Variants in PDGFC observed in about 807,000 individuals in gnomAD.
PDGFC encodes the protein platelet derived growth factor C.
PDGFC carries 12 observed loss-of-function variants against 35.5 expected under a neutral mutation model. The observed-to-expected ratio is 0.34, with a 90% CI of 0.22 to 0.55. The LOEUF (loss-of-function observed/expected upper bound fraction) is 0.55. PDGFC is among the 20% of genes least tolerant of loss of function. The probability of loss-of-function intolerance (pLI) is 0.91; values close to 1 mark genes in which losing one functional copy is unlikely to be tolerated. For missense variants in PDGFC, 322 were observed against 412.4 expected (o/e 0.78, Z 1.90); for synonymous variants, 159 against 148.8 (o/e 1.07, Z -0.50).
intron 1 of PDGFC, among the ~76,000 whole-genome samples, chr4:156,966,464 T>C (rs1026599215): frequency 3.9e-5 from 6 of 152,108 alleles, no homozygotes; most frequent in Admixed American, 2.6e-4. Flanking sequence ...TTTTTTACTA[T>C]GAAATTTATG....
chr4:156,796,936 A>T (rs2110900606), intron 3 of PDGFC, among the ~76,000 whole-genome samples: 1 of 152,276 alleles, frequency 6.6e-6, no homozygotes, highest in South Asian at 2.1e-4. Context: ...AAGACAAAGA[A>T]GAAAGTATTA....
At chr4:156,962,922 C>G (rs1003819776) in intron 1 of PDGFC, among the ~76,000 whole-genome samples, 4 of 152,160 alleles carry the variant, frequency 2.6e-5, no homozygotes, top group Non-Finnish European at 5.9e-5. Context: ...TCCAACTACC[C>G]TCTAAAATGC....
intron 1 of PDGFC, among the ~76,000 whole-genome samples, chr4:156,931,630 A>C (rs1166178419): frequency 1.3e-5 from 2 of 152,174 alleles, no homozygotes; most frequent in Non-Finnish European, 2.9e-5. Context: ...TTAATATTAG[A>C]AACTAAGTTT....
chr4:156,792,761 G>A lies in PDGFC; in HGVS notation c.495+18076C>T, dbSNP rs146911047. The stretch of plus-strand genomic sequence containing the variant: ...AATCTGCATTTCCAATTATAATGCA[G>A]AGAACAAATTTCACACACCTGCATT... On this transcript the variant is annotated intron_variant, in intron 3 of 5. Coordinates refer to ENST00000502773, the MANE Select transcript of PDGFC (RefSeq NM_016205.3). Among the ~76,000 whole-genome samples the A allele has an allele frequency of 1.6e-3, 242 of 152,268 alleles. 1 individual carries two copies. The highest frequency in any genetic ancestry group is 5.3e-3 in the African/African-American group (222 of 41,560).
Position 156,761,183 on chromosome 4 carries a change from T to G in PDGFC, c.*1907A>C, listed in dbSNP as rs1013274495. 1 of 152,268 alleles carries G rather than the reference T, an allele frequency of 6.6e-6. No homozygotes were observed. Among genetic ancestry groups the G allele is most frequent in the Admixed American group, 6.5e-5 (1 of 15,286 alleles). The allele number at this position is 152,268 out of a possible 1,614,324, so 9.4% of individuals were successfully genotyped here. On this transcript the variant is annotated 3_prime_UTR_variant, in exon 6 of 6. Transcript: ENST00000502773. ...GGATGCTGAAGATACCAGCCCTGAA[T>G]AGGAATCTATGTCTGGAACTGAGGA...
At chr4:156,873,908 C>T (rs1006769680) in intron 1 of PDGFC, 1 of 152,184 alleles carries the variant, frequency 6.6e-6, no homozygotes, top group Non-Finnish European at 1.5e-5. Context: ...CGACTTACAT[C>T]CCAGTCCTCC....
At chr4:156,875,746 C>T (rs1320727429) in intron 1 of PDGFC, among the ~76,000 whole-genome samples, 1 of 152,022 alleles carries the variant, frequency 6.6e-6, no homozygotes, top group Non-Finnish European at 1.5e-5. Flanking sequence ...GGTGAAACCC[C>T]ATCTCTAATA....
At chr4:156,898,651 T>G (rs779279225) in intron 1 of PDGFC, among the ~76,000 whole-genome samples, 4 of 151,990 alleles carry the variant, frequency 2.6e-5, no homozygotes, top group Non-Finnish European at 5.9e-5. Flanking sequence ...TTTTTTTTCT[T>G]TTTTCTTTTC....
chr4:156,886,511 T>A (rs1183447636), intron 1 of PDGFC: 1 of 152,202 alleles, frequency 6.6e-6, no homozygotes, highest in Non-Finnish European at 1.5e-5. Flanking sequence ...CCAACCAAAC[T>A]ATCGTCCTAC....
At position 156,767,976 on chromosome 4, in the gene PDGFC, G is replaced by A. The variant is rs1454426122; in HGVS notation, c.718C>T (p.Leu240Phe). 1.9e-6 allele frequency: 3 copies of A among 1,603,344 alleles called. No individual in the cohort carries two copies. The highest frequency in any genetic ancestry group is 2.7e-5 in the African/African-American group (2 of 74,654). ...TATAATCTTACCTCCTCTGTTAGAA[G>A]GTTCAGATCCACCACTATATGGTAT... ...GRKSRVVDLN[L>F]LTEEVRLYSC... The change falls in exon 5 of 6, where the codon CTT becomes TTT. Residue 240 changes from leucine to phenylalanine, a missense_variant. Transcript: ENST00000502773.
At chr4:156,763,704 T>C (rs1162764940) in intron 5 of PDGFC, among the ~76,000 whole-genome samples, 1 of 152,242 alleles carries the variant, frequency 6.6e-6, no homozygotes, top group Non-Finnish European at 1.5e-5. Context: ...ATGCCACTCA[T>C]TAATTTTCTT....
intron 3 of PDGFC, among the ~76,000 whole-genome samples, chr4:156,798,877 G>GA (rs1316039197): frequency 1.3e-5 from 2 of 152,056 alleles, no homozygotes; most frequent in African/African-American, 2.4e-5. Flanking sequence ...TATTCCACTG[G>GA]AAAAAAAGGC....
chr4:156,905,283 A>C (rs1370333319), intron 1 of PDGFC, among the ~76,000 whole-genome samples: 1 of 152,090 alleles, frequency 6.6e-6, no homozygotes, highest in East Asian at 1.9e-4. Flanking sequence ...CCATATTTTG[A>C]ATGTCCCTTA....
intron 1 of PDGFC, among the ~76,000 whole-genome samples, chr4:156,878,976 T>G (rs528125555): frequency 6.6e-6 from 1 of 152,306 alleles, no homozygotes; most frequent in Non-Finnish European, 1.5e-5. Flanking sequence ...GAAACATGTT[T>G]GACTTTAAAT....
intron 1 of PDGFC, among the ~76,000 whole-genome samples, chr4:156,883,128 G>A (rs1730287169): frequency 1.3e-5 from 2 of 150,490 alleles, no homozygotes; most frequent in Admixed American, 6.6e-5. Context: ...ACTCTCACTT[G>A]AAGTCAACCC....
intron 1 of PDGFC, among the ~76,000 whole-genome samples, chr4:156,945,704 G>A (rs1299984229): frequency 6.6e-6 from 1 of 151,866 alleles, no homozygotes; most frequent in East Asian, 1.9e-4. Context: ...CAGGATGCTG[G>A]CTAAAAACTC....
At chr4:156,944,373 C>T (rs1731885680) in intron 1 of PDGFC, among the ~76,000 whole-genome samples, 1 of 152,070 alleles carries the variant, frequency 6.6e-6, no homozygotes, top group African/African-American at 2.4e-5. Context: ...GGCCTGTCTT[C>T]CACTAGGCAT....
chr4:156,849,725 T>C (rs1415848991), intron 2 of PDGFC, among the ~76,000 whole-genome samples: 1 of 152,088 alleles, frequency 6.6e-6, no homozygotes, highest in African/African-American at 2.4e-5. Context: ...CTATATTTCT[T>C]CTTTGTGATG....
At chr4:156,930,505 T>C (rs1046451341) in intron 1 of PDGFC, among the ~76,000 whole-genome samples, 1 of 152,210 alleles carries the variant, frequency 6.6e-6, no homozygotes, top group African/African-American at 2.4e-5. Flanking sequence ...ACAACAACTA[T>C]GTAATTGAAA....
Sources: allele counts gnomAD v4.1 joint callset (sites outside exome capture counted in the v4.1 genomes callset), GRCh38; gene constraint gnomAD v4.1.1; transcripts MANE v1.5; gene names NCBI Gene and HGNC (gene_info 2026-07-23, HGNC 2026-07-21).